LEMD3: variants seen among roughly 807,000 people sequenced by gnomAD.
LEMD3 encodes the protein LEM domain containing 3.
In LEMD3, 33 loss-of-function variants were observed where a neutral mutation model predicts 95.2. That is an observed-to-expected ratio of 0.35 (90% confidence interval 0.26 to 0.46). The LOEUF is 0.46. Among genes scored for constraint, LEMD3 ranks in the 20% least tolerant of loss-of-function variants. The pLI is 1.00. For missense variants in LEMD3, 1,210 were observed against 1,192.8 expected (o/e 1.01, Z -0.21); for synonymous variants, 525 against 474.6 (o/e 1.11, Z -1.38).
chr12:65,206,943 G>A (rs1291863146), intron 1 of LEMD3, among the ~76,000 whole-genome samples: 1 of 151,992 alleles, frequency 6.6e-6, no homozygotes, highest in Non-Finnish European at 1.5e-5. Context: ...TGAGAGTTAT[G>A]TATGCTTTGG....
chr12:65,181,448 C>T (rs12367499), intron 1 of LEMD3, among the ~76,000 whole-genome samples: 1 of 152,146 alleles, frequency 6.6e-6, no homozygotes, highest in South Asian at 2.1e-4. Flanking sequence ...CTGGCATTCT[C>T]TTCTTTTTCC....
Position 65,243,374 on chromosome 12 carries a change from C to T in LEMD3, c.2306-14C>T, listed in dbSNP as rs754298193. ...GAACAATGTCAAATAGTAAAACTAA[C>T]TTGTTTTTTGTAGCATTTCATTTAG... is the stretch of plus-strand genomic sequence containing the variant. On this transcript the variant is annotated splice_polypyrimidine_tract_variant and intron_variant, in intron 9 of 12. Coordinates refer to ENST00000308330, the MANE Select transcript of LEMD3 (RefSeq NM_014319.5). 1 of 1,480,104 alleles carries T rather than the reference C, an allele frequency of 6.8e-7. No individual in the cohort carries two copies. The highest frequency in any genetic ancestry group is 1.7e-5 in the Admixed American group (1 of 59,834). The allele number at this position is 1,480,104 out of a possible 1,614,324, so 91.7% of individuals were successfully genotyped here.
At chr12:65,241,180 A>G (rs1870927575) in intron 9 of LEMD3, 93 bp downstream of exon 9, 5 of 1,075,244 alleles carry the variant, frequency 4.7e-6, no homozygotes, top group African/African-American at 3.1e-5. Context: ...TCAAAGATGT[A>G]TGAAGGCAAA....
chr12:65,222,425 G>C (rs1392150743), intron 4 of LEMD3, among the ~76,000 whole-genome samples: 1 of 152,060 alleles, frequency 6.6e-6, no homozygotes, highest in African/African-American at 2.4e-5. Flanking sequence ...TGGTGTCAGA[G>C]TAATGCTGGC....
At chr12:65,227,037 G>A (rs12311379) in intron 4 of LEMD3, among the ~76,000 whole-genome samples, 5,718 of 152,108 alleles carry the variant, frequency 0.038, 354 homozygotes, top group African/African-American at 0.13. Context: ...GACAGTTAAA[G>A]GATCAGAATT....
At chr12:65,183,707 G>A (rs1369128289) in intron 1 of LEMD3, among the ~76,000 whole-genome samples, 2 of 152,168 alleles carry the variant, frequency 1.3e-5, no homozygotes, top group African/African-American at 4.8e-5. Context: ...TGCCACTAGC[G>A]TTTGGGCAGG....
chr12:65,196,761 G>T (rs769604867), intron 1 of LEMD3, among the ~76,000 whole-genome samples: 1 of 152,052 alleles, frequency 6.6e-6, no homozygotes, highest in Non-Finnish European at 1.5e-5. Flanking sequence ...CTCCAAATGC[G>T]CAGCAAAAAG....
intron 1 of LEMD3, among the ~76,000 whole-genome samples, chr12:65,186,171 T>G (rs1869055340): frequency 6.6e-6 from 1 of 152,122 alleles, no homozygotes; most frequent in East Asian, 1.9e-4. Flanking sequence ...TTGCCTGAGA[T>G]TCTAAGTCAT....
At chr12:65,189,348 A>G (rs1473663678) in intron 1 of LEMD3, among the ~76,000 whole-genome samples, 2 of 152,200 alleles carry the variant, frequency 1.3e-5, no homozygotes, top group Admixed American at 6.5e-5. Flanking sequence ...GTTGATGGCT[A>G]GAACAAACCA....
At chr12:65,190,370 C>A (rs1180208976) in intron 1 of LEMD3, among the ~76,000 whole-genome samples, 1 of 152,028 alleles carries the variant, frequency 6.6e-6, no homozygotes, top group Non-Finnish European at 1.5e-5. Flanking sequence ...TCATTTATAC[C>A]TCTCTAGTAT....
At chr12:65,218,091 C>T (rs1179493691) in intron 3 of LEMD3, among the ~76,000 whole-genome samples, 1 of 152,184 alleles carries the variant, frequency 6.6e-6, no homozygotes, top group East Asian at 1.9e-4. Flanking sequence ...CTTATTTGAA[C>T]CCTTAAATGA....
chr12:65,204,744 AG>A (rs1188791132), intron 1 of LEMD3, among the ~76,000 whole-genome samples: 6 of 152,196 alleles, frequency 3.9e-5, no homozygotes, highest in Admixed American at 3.9e-4. Context: ...TCCCACCAAT[AG>A]TGTAAAAGCA....
At chr12:65,225,512 G>GATCCCTGGTATCTGTAGGTT (rs1344217096) in intron 4 of LEMD3, among the ~76,000 whole-genome samples, 7 of 152,080 alleles carry the variant, frequency 4.6e-5, no homozygotes, top group Non-Finnish European at 7.3e-5. Context: ...ATAATCTTTT[G>GATCCCTGGTATCTGTAGGTT]ATCCCTGGTA....
At chr12:65,229,303 G>A (rs1870553244) in intron 4 of LEMD3, among the ~76,000 whole-genome samples, 1 of 152,048 alleles carries the variant, frequency 6.6e-6, no homozygotes, top group African/African-American at 2.4e-5. Flanking sequence ...TGAGCACTTA[G>A]GTTGATTCCA....
chr12:65,177,741 T>C (rs1592429355), intron 1 of LEMD3, among the ~76,000 whole-genome samples: 1 of 152,188 alleles, frequency 6.6e-6, no homozygotes, highest in South Asian at 2.1e-4. Flanking sequence ...TTAAAAAATA[T>C]TTTTACTTCT....
Position 65,216,059 on chromosome 12 carries a change from T to C in LEMD3, c.1627+16T>C, listed in dbSNP as rs1870101997. ...CAGCTTGCAGGTAATTGTTTTAACT[T>C]TTATAGTTGCTAAAAATGTTTTGAA... On this transcript the variant is annotated intron_variant, in intron 3 of 12. Transcript: ENST00000308330. 1 of 1,520,428 alleles carries C rather than the reference T, an allele frequency of 6.6e-7. No homozygotes were observed. Among genetic ancestry groups the C allele is most frequent in the Non-Finnish European group, 9.1e-7 (1 of 1,096,686 alleles). 94.2% of individuals were successfully genotyped at this position (1,520,428 alleles called of 1,614,324 possible).
intron 1 of LEMD3, among the ~76,000 whole-genome samples, chr12:65,190,042 A>G (rs1380222610): frequency 6.6e-6 from 1 of 152,190 alleles, no homozygotes; most frequent in Admixed American, 6.5e-5. Flanking sequence ...TCATGGCTTC[A>G]TAAAGTAAAC....
intron 1 of LEMD3, among the ~76,000 whole-genome samples, chr12:65,198,197 C>T (rs1869491153): frequency 6.6e-6 from 1 of 151,982 alleles, no homozygotes; most frequent in African/African-American, 2.4e-5. Context: ...TTATAGTCTC[C>T]AGTGTGTAAC....
At chr12:65,211,661 G>A (rs540615198) in intron 2 of LEMD3, among the ~76,000 whole-genome samples, 1 of 152,226 alleles carries the variant, frequency 6.6e-6, no homozygotes, top group African/African-American at 2.4e-5. Context: ...CACATCCATA[G>A]AATATTACTT....
Sources: gnomAD v4.1 joint callset for allele counts (sites outside exome capture counted in the v4.1 genomes callset) on GRCh38, gnomAD v4.1.1 for gene constraint, MANE v1.5 for transcripts, NCBI Gene and HGNC (gene_info 2026-07-23, HGNC 2026-07-21) for gene names.